Variants in KIAA1328 observed in about 807,000 individuals in gnomAD.
KIAA1328 encodes protein hinderin.
In KIAA1328, 52 loss-of-function variants were observed where a neutral mutation model predicts 68.1. That is an observed-to-expected ratio of 0.76 (90% CI 0.61 to 0.96). KIAA1328 has a LOEUF of 0.96. KIAA1328 is among the 40% of genes least tolerant of loss of function. The pLI, the probability that KIAA1328 is intolerant of heterozygous loss-of-function variation, is 0.00. For missense variants in KIAA1328, 641 were observed against 677.6 expected (o/e 0.95, Z 0.60); for synonymous variants, 232 against 239.4 (o/e 0.97, Z 0.28).
At chr18:37,219,997 G>A (rs2060526701) in intron 9 of KIAA1328, among the ~76,000 whole-genome samples, 1 of 152,176 alleles carries the variant, frequency 6.6e-6, no homozygotes, top group African/African-American at 2.4e-5. Flanking sequence ...TTTTAATTTT[G>A]AGGAGGATCT....
At chr18:37,182,991 G>A (rs1305957653) in intron 9 of KIAA1328, among the ~76,000 whole-genome samples, 1 of 152,124 alleles carries the variant, frequency 6.6e-6, no homozygotes, top group Non-Finnish European at 1.5e-5. Context: ...CTGCCAAAAT[G>A]TGGCTTAGAA....
intron 7 of KIAA1328, chr18:37,075,070 G>A (rs2056670417): frequency 6.6e-6 from 1 of 151,852 alleles, no homozygotes; most frequent in African/African-American, 2.4e-5. Context: ...AAATGTTAAG[G>A]GCAGCCAGAG....
intron 9 of KIAA1328, among the ~76,000 whole-genome samples, chr18:37,188,994 T>C (rs2059854504): frequency 6.6e-6 from 1 of 152,128 alleles, no homozygotes; most frequent in Non-Finnish European, 1.5e-5. Flanking sequence ...GTAAATTTGA[T>C]CCATTGAGAT....
chr18:37,025,605 A>G (rs1219936738), intron 6 of KIAA1328, among the ~76,000 whole-genome samples: 7 of 152,332 alleles, frequency 4.6e-5, no homozygotes, highest in Non-Finnish European at 2.9e-5. Flanking sequence ...AAACTGAACA[A>G]CCTGCTCCTG....
intron 6 of KIAA1328, among the ~76,000 whole-genome samples, chr18:36,984,200 G>T (rs532734566): frequency 2.1e-4 from 32 of 152,086 alleles, no homozygotes; most frequent in Non-Finnish European, 3.8e-4. Flanking sequence ...CAGGAACAAC[G>T]CAAGGATATT....
intron 6 of KIAA1328, among the ~76,000 whole-genome samples, chr18:37,055,317 C>T (rs2055866291): frequency 1.3e-5 from 2 of 152,192 alleles, no homozygotes; most frequent in South Asian, 4.1e-4. Flanking sequence ...ATGCCAGGAG[C>T]ATGCTGTGAA....
chr18:37,108,381 G>A (rs950928203), intron 7 of KIAA1328, among the ~76,000 whole-genome samples: 8 of 151,984 alleles, frequency 5.3e-5, no homozygotes, highest in African/African-American at 1.7e-4. Context: ...GGGAGGGGGC[G>A]GGTAGTTAAA....
intron 4 of KIAA1328, among the ~76,000 whole-genome samples, chr18:36,869,635 C>G (rs2047877575): frequency 6.8e-6 from 1 of 147,886 alleles, no homozygotes; most frequent in Admixed American, 6.9e-5. Flanking sequence ...GCATATTTTT[C>G]TCTTTCATAG....
chr18:37,103,537 A>G (rs1477225500), intron 7 of KIAA1328, among the ~76,000 whole-genome samples: 1 of 152,244 alleles, frequency 6.6e-6, no homozygotes, highest in Non-Finnish European at 1.5e-5. Flanking sequence ...ATAAGACCTG[A>G]AATTATACAA....
intron 4 of KIAA1328, among the ~76,000 whole-genome samples, chr18:36,854,793 C>A (rs1345697750): frequency 1.3e-5 from 2 of 152,136 alleles, no homozygotes. Context: ...CCAAAAAAAT[C>A]TTCACACTCA....
intron 6 of KIAA1328, among the ~76,000 whole-genome samples, chr18:37,035,621 A>G (rs1201637718): frequency 6.6e-6 from 1 of 152,228 alleles, no homozygotes; most frequent in African/African-American, 2.4e-5. Flanking sequence ...AGAGTCTCCA[A>G]GATAGAAAAT....
At chr18:36,938,407 G>A (rs1015194337) in intron 5 of KIAA1328, among the ~76,000 whole-genome samples, 3 of 152,108 alleles carry the variant, frequency 2.0e-5, no homozygotes, top group Non-Finnish European at 4.4e-5. Context: ...CTTCTTTTGA[G>A]AAAAGTCTAT....
At chr18:37,014,157 C>T (rs183173447) in intron 6 of KIAA1328, among the ~76,000 whole-genome samples, 2 of 152,020 alleles carry the variant, frequency 1.3e-5, no homozygotes, top group Admixed American at 6.6e-5. Context: ...GAGAAGTGTC[C>T]ATTCATGTCT....
At chr18:37,021,380 A>G (rs2054340460) in intron 6 of KIAA1328, among the ~76,000 whole-genome samples, 1 of 152,228 alleles carries the variant, frequency 6.6e-6, no homozygotes. Context: ...ATATTATGTT[A>G]TCTTTAAAAT....
chr18:36,959,523 C>T, intron 6 of KIAA1328, 88 bp downstream of exon 6: 16 of 1,362,736 alleles, frequency 1.2e-5, no homozygotes, highest in Non-Finnish European at 1.1e-5. Context: ...AATTTCCTCC[C>T]AGTATATAAT....
At chr18:36,988,037 A>G (rs1165500259) in intron 6 of KIAA1328, among the ~76,000 whole-genome samples, 2 of 152,086 alleles carry the variant, frequency 1.3e-5, no homozygotes, top group African/African-American at 4.8e-5. Flanking sequence ...AACAAATTGT[A>G]TATTCCTGAC....
At chr18:36,985,497 A>T (rs572876446) in intron 6 of KIAA1328, among the ~76,000 whole-genome samples, 1 of 152,342 alleles carries the variant, frequency 6.6e-6, no homozygotes, top group South Asian at 2.1e-4. Flanking sequence ...ATGGGTGTAA[A>T]GATAGACAAA....
chr18:37,004,848 C>T (rs1314939298), intron 6 of KIAA1328, among the ~76,000 whole-genome samples: 1 of 152,044 alleles, frequency 6.6e-6, no homozygotes, highest in Non-Finnish European at 1.5e-5. Context: ...ATGGAACCAG[C>T]CCAGATGCCC....
At chr18:37,086,035 C>G (rs1053989539) in intron 7 of KIAA1328, among the ~76,000 whole-genome samples, 8 of 152,128 alleles carry the variant, frequency 5.3e-5, no homozygotes, top group East Asian at 1.9e-4. Flanking sequence ...AGTGTGATCT[C>G]TCTTATATGT....
Sources: allele counts gnomAD v4.1 joint callset (sites outside exome capture counted in the v4.1 genomes callset), GRCh38; gene constraint gnomAD v4.1.1; transcripts MANE v1.5; gene names NCBI Gene and HGNC (gene_info 2026-07-23, HGNC 2026-07-21).